The following CNTN3 variants were observed in gnomAD, a reference collection of about 807,000 sequenced individuals.
CNTN3 encodes the protein contactin 3.
In CNTN3, 60 loss-of-function variants were observed where a neutral mutation model predicts 119.1. That is an observed-to-expected ratio of 0.50 (90% CI 0.41 to 0.62). CNTN3 has a LOEUF of 0.62. Among genes scored for constraint, CNTN3 ranks in the 20% least tolerant of loss-of-function variants. The pLI is 0.00. For synonymous variants in CNTN3, 450 were observed against 438.7 expected, an observed-to-expected ratio of 1.03 and a Z score of -0.32; for missense variants, 1,101 against 1,242.4, an observed-to-expected ratio of 0.89 and a Z score of 1.71.
At chr3:74,442,773 C>T (rs191113651) in intron 4 of CNTN3, among the ~76,000 whole-genome samples, 17 of 152,262 alleles carry the variant, frequency 1.1e-4, no homozygotes, top group Admixed American at 1.0e-3. Flanking sequence ...AAGTTCTTTG[C>T]ATAAGTTAAT....
chr3:74,593,095 C>A (rs940736389), intron 1 of CNTN3, among the ~76,000 whole-genome samples: 6 of 151,938 alleles, frequency 3.9e-5, no homozygotes, highest in South Asian at 4.1e-4. Flanking sequence ...AAATGTCACA[C>A]CAATGCTGAC....
chr3:74,541,310 C>T lies in CNTN3; in HGVS notation c.-80-20118G>A, dbSNP rs570790590. ...ACATGCACAAAAATGATCATAGCAG[C>T]ATCATAGCTAATAGCAAAAACATAA... is the stretch of plus-strand genomic sequence containing the variant. On this transcript the variant is annotated intron_variant, in intron 1 of 22. Transcript: ENST00000263665. Among the ~76,000 whole-genome samples, 3 of 152,248 alleles carry T rather than the reference C, an allele frequency of 2.0e-5. No homozygotes were observed. In the South Asian group the frequency reaches 6.2e-4, roughly 32 times the overall value.
At position 74,512,178 on chromosome 3, in the gene CNTN3, T is replaced by A. The variant is rs184634586; in HGVS notation, c.55+8880A>T. 1.3e-3 allele frequency among the ~76,000 whole-genome samples: 201 copies of A among 152,320 alleles called. 1 individual carries two copies. In the Middle Eastern group the frequency reaches 0.017, roughly 13 times the overall value. On this transcript the variant is annotated intron_variant, in intron 2 of 22. Coordinates refer to ENST00000263665, the MANE Select transcript of CNTN3 (RefSeq NM_020872.3). The stretch of plus-strand genomic sequence containing the variant: ...TTTACTTAGCATTGCATCAAACTTT[T>A]AATTACCTCTGACTGAGGAATCATA...
Position 74,369,935 on chromosome 3 carries a change from C to T in CNTN3, c.715G>A (p.Ala239Thr), listed in dbSNP as rs903493578. Reference protein sequence around the residue: ...IEVQFPETLPAAKGSTVKLEC... With the variant: ...IEVQFPETLPTAKGSTVKLEC... ...AATTTCACAGTCGAACCTTTAGCTG[C>T]TGGAAGAGTTTCTGGAAACTGAACT... is the stretch of plus-strand genomic sequence containing the variant. The change falls in exon 7 of 23, where the codon GCA becomes ACA. Residue 239 changes from alanine (A) to threonine (T), a missense_variant. Ala to Thr is a moderately conservative substitution (Grantham distance 58). Transcript: ENST00000263665. 2.5e-6 allele frequency: 4 copies of T among 1,609,138 alleles called. No individual in the cohort carries two copies. The highest frequency in any genetic ancestry group is 3.4e-6 in the Non-Finnish European group (4 of 1,177,300).
intron 4 of CNTN3, among the ~76,000 whole-genome samples, chr3:74,468,811 A>T (rs2106995034): frequency 6.6e-6 from 1 of 152,320 alleles, no homozygotes; most frequent in African/African-American, 2.4e-5. Flanking sequence ...TATACGTGAC[A>T]GATGAGTCTC....
At chr3:74,562,820 G>GA (rs796243579) in intron 1 of CNTN3, among the ~76,000 whole-genome samples, 6,687 of 144,696 alleles carry the variant, frequency 0.046, 153 homozygotes, top group South Asian at 0.073. Flanking sequence ...TCAGACAGAA[G>GA]AAAAAAAAAA....
At chr3:74,527,262 A>C (rs1703633538) in intron 1 of CNTN3, among the ~76,000 whole-genome samples, 2 of 151,992 alleles carry the variant, frequency 1.3e-5, no homozygotes, top group East Asian at 3.9e-4. Flanking sequence ...TTGACAAATA[A>C]GTTTAAATAA....
At chr3:74,338,495 C>A (rs1243141673) in intron 11 of CNTN3, among the ~76,000 whole-genome samples, 1 of 149,312 alleles carries the variant, frequency 6.7e-6, no homozygotes, top group Non-Finnish European at 1.5e-5. Flanking sequence ...TACACACGTG[C>A]GTGTGTGTGT....
In CNTN3 at chr3:74,371,343, G is replaced by A. The variant is rs1704333610; in HGVS notation, c.511C>T (p.Arg171Trp). The change falls in exon 6 of 23, where the codon CGG becomes TGG. Residue 171 changes from arginine to tryptophan, a missense_variant. Arg to Trp is a moderately radical substitution (Grantham distance 101). Transcript: ENST00000263665. The stretch of plus-strand genomic sequence containing the variant: ...CCTGTCTCCTGGGAGACAAATCTCC[G>A]ACTATCTTCTTCAACAAACGATGGG... The part of the protein sequence containing the change: ...EYPSFVEEDS[R>W]RFVSQETGHL... 3.7e-6 allele frequency: 6 copies of A among 1,613,298 alleles called. No homozygotes were observed. Among genetic ancestry groups the A allele is most frequent in the Non-Finnish European group, 5.1e-6 (6 of 1,179,508 alleles).
chr3:74,598,866 T>A (rs949970217), intron 1 of CNTN3, among the ~76,000 whole-genome samples: 1 of 151,938 alleles, frequency 6.6e-6, no homozygotes, highest in African/African-American at 2.4e-5. Flanking sequence ...ATTTCGCAGT[T>A]TAGATAGGTA....
intron 20 of CNTN3, chr3:74,267,624 T>C: frequency 2.5e-6 from 1 of 397,716 alleles, no homozygotes. Flanking sequence ...AACCTGCACA[T>C]GTACCCCGAA....
At chr3:74,509,313 CTTT>C (rs11318453) in intron 2 of CNTN3, among the ~76,000 whole-genome samples, 43 of 117,102 alleles carry the variant, frequency 3.7e-4, no homozygotes, top group African/African-American at 3.5e-4. Context: ...CCTTTCCTTT[CTTT>C]TTTTTTTTTT....
chr3:74,428,449 C>T (rs1701732053), intron 4 of CNTN3, among the ~76,000 whole-genome samples: 1 of 91,976 alleles, frequency 1.1e-5, no homozygotes, highest in Admixed American at 1.1e-4. Flanking sequence ...CCTGTGTAGG[C>T]CTAGGTTAAC....
chr3:74,548,973 T>C (rs891664169), intron 1 of CNTN3, among the ~76,000 whole-genome samples: 1 of 152,164 alleles, frequency 6.6e-6, no homozygotes, highest in Non-Finnish European at 1.5e-5. Context: ...TCAAACAACC[T>C]AGGTAACATG....
At chr3:74,411,204 T>C (rs113113009) in intron 5 of CNTN3, among the ~76,000 whole-genome samples, 589 of 92,236 alleles carry the variant, frequency 6.4e-3, no homozygotes, top group African/African-American at 0.018. Context: ...AAGAATAACA[T>C]TTAAAATAGG....
At position 74,295,229 on chromosome 3, in the gene CNTN3, T is replaced by C. The variant is rs777595641; in HGVS notation, c.2409A>G (p.Thr803=). ...TTGCAGAGACTTGAGATGGGGCCAC[T>C]GTAGGCTCTGTTCGGAAACAGAAAT... ...TTVFSAEEEP[T]VAPSQVSANS... The change falls in exon 19 of 23, where the codon ACA becomes ACG. Residue 803 remains threonine (T), a synonymous_variant. Coordinates refer to ENST00000263665, the MANE Select transcript of CNTN3 (RefSeq NM_020872.3). The C allele has an allele frequency of 2.5e-6, 4 of 1,584,058 alleles. No homozygotes were observed. Among genetic ancestry groups the C allele is most frequent in the South Asian group, 2.2e-5 (2 of 88,990 alleles).
At chr3:74,585,638 G>A (rs950869977) in intron 1 of CNTN3, among the ~76,000 whole-genome samples, 16 of 152,016 alleles carry the variant, frequency 1.1e-4, no homozygotes, top group African/African-American at 3.4e-4. Context: ...ACGATGACTT[G>A]ATCACTAAAT....
chr3:74,479,116 T>C (rs1338955902), intron 4 of CNTN3, among the ~76,000 whole-genome samples: 1 of 151,986 alleles, frequency 6.6e-6, no homozygotes, highest in Non-Finnish European at 1.5e-5. Flanking sequence ...AAACAATCTA[T>C]TCCAGGTGGT....
intron 1 of CNTN3, among the ~76,000 whole-genome samples, chr3:74,560,917 C>T (rs1188676040): frequency 1.3e-5 from 2 of 151,036 alleles, no homozygotes; most frequent in Non-Finnish European, 2.9e-5. Context: ...AGCAAACTAT[C>T]GCAAGGACAA....
Sources: allele counts gnomAD v4.1 joint callset (sites outside exome capture counted in the v4.1 genomes callset), GRCh38; gene constraint gnomAD v4.1.1; transcripts MANE v1.5; gene names NCBI Gene and HGNC (gene_info 2026-07-23, HGNC 2026-07-21).